Variants in LDB3 observed in about 807,000 individuals in gnomAD.
LDB3 encodes LIM domain binding 3.
LDB3 carries 49 observed loss-of-function variants against 69.0 expected under a neutral mutation model. The ratio of observed to expected loss-of-function variants is 0.71; its 90% CI spans 0.56 to 0.90. LDB3 has a LOEUF of 0.90. Among genes scored for constraint, LDB3 ranks in the 40% least tolerant of loss-of-function variants. The pLI, the probability that LDB3 is intolerant of heterozygous loss-of-function variation, is 0.00. For synonymous variants in LDB3, 387 were observed against 396.2 expected (o/e 0.98, Z 0.28); for missense variants, 928 against 974.1 (o/e 0.95, Z 0.63).
intron 7 of LDB3, among the ~76,000 whole-genome samples, chr10:86,701,296 A>T (rs1024406745): frequency 6.6e-6 from 1 of 152,180 alleles, no homozygotes; most frequent in African/African-American, 2.4e-5. Flanking sequence ...GTCCTGGGCA[A>T]TGGGTATCCT....
chr10:86,682,013 G>C (rs775111631), intron 5 of LDB3, among the ~76,000 whole-genome samples: 1 of 152,216 alleles, frequency 6.6e-6, no homozygotes, highest in African/African-American at 2.4e-5. Flanking sequence ...GTGACATGTC[G>C]GATTTTGCAG....
At chr10:86,724,406 CA>C (rs1172039506) in intron 12 of LDB3, among the ~76,000 whole-genome samples, 2 of 151,876 alleles carry the variant, frequency 1.3e-5, no homozygotes, top group Non-Finnish European at 2.9e-5. Flanking sequence ...AGATCGAGAC[CA>C]TCCTGGCCAA....
At position 86,699,866 on chromosome 10, in the gene LDB3, C is replaced by T. The variant is rs549156118; in HGVS notation, c.897-6665C>T. On this transcript the variant is annotated intron_variant, in intron 7 of 13. Coordinates refer to ENST00000361373, the MANE Select transcript of LDB3 (RefSeq NM_007078.3). This position sits in a 1 kb window ranked among gnomAD's most constrained non-coding sequence, Gnocchi z 4.9. ...CTGCCCTCTGGAGCTCAGGGCAGCC[C>T]GGAATAGGGCTCTTTGAAGAGGAAG... 98 of 1,015,502 alleles carry T rather than the reference C, an allele frequency of 9.7e-5. No homozygotes were observed. In the South Asian group the frequency reaches 1.9e-3, roughly 20 times the overall value. The allele number at this position is 1,015,502 out of a possible 1,614,324, so 62.9% of individuals were successfully genotyped here. A position where few individuals can be genotyped will look rare whatever the true frequency, so the allele number is the denominator to read the frequency against.
In LDB3 at chr10:86,714,378, C is replaced by T. The variant is rs931941892; in HGVS notation, c.1232-1949C>T. On this transcript the variant is annotated intron_variant, in intron 9 of 13. Coordinates refer to ENST00000361373, the MANE Select transcript of LDB3 (RefSeq NM_007078.3). ...GGACTCATATTCTTTACAGAGGCAGCTTGGGATGATAGAATGAATGGATTT... is the reference window on the plus strand; with the variant it reads ...GGACTCATATTCTTTACAGAGGCAGTTTGGGATGATAGAATGAATGGATTT... Among the ~76,000 whole-genome samples, 41 of 152,022 alleles carry T rather than the reference C, an allele frequency of 2.7e-4. 1 individual carries two copies. Among genetic ancestry groups the T allele is most frequent in the African/African-American group, 9.9e-4 (41 of 41,372 alleles).
chr10:86,686,006 C>T (rs1237959745), intron 5 of LDB3, among the ~76,000 whole-genome samples: 1 of 152,104 alleles, frequency 6.6e-6, no homozygotes, highest in South Asian at 2.1e-4. Flanking sequence ...GGGACACAGG[C>T]TGTGCTGCTG....
rs1844603559 is a variant in LDB3 at position 86,673,541 on chromosome 10, G to T, written c.93+4757G>T. ...TCCGGCTTATTTATCGGCCAGGGTG[G>T]AGTTGGGGAGTGGGACCATGGGGAG... On this transcript the variant is annotated intron_variant, in intron 2 of 13. Transcript: ENST00000361373. Among the ~76,000 whole-genome samples the T allele has an allele frequency of 3.3e-5, 5 of 152,124 alleles. No individual in the cohort carries two copies. In the South Asian group the frequency reaches 1.0e-3, roughly 32 times the overall value.
intron 7 of LDB3, among the ~76,000 whole-genome samples, chr10:86,702,067 C>T (rs1442602304): frequency 6.6e-6 from 1 of 152,194 alleles, no homozygotes; most frequent in Non-Finnish European, 1.5e-5. Context: ...GAGCCATAGT[C>T]ACCAGGCAGC....
intron 6 of LDB3, 123 bp from the exon 7 acceptor site, chr10:86,692,412 G>A: frequency 1.0e-6 from 1 of 995,938 alleles, no homozygotes. Flanking sequence ...CAGTGGACAG[G>A]CAAGGGGGCA....
At chr10:86,713,202 C>T (rs967882565) in intron 9 of LDB3, among the ~76,000 whole-genome samples, 1 of 152,156 alleles carries the variant, frequency 6.6e-6, no homozygotes, top group South Asian at 2.1e-4. Context: ...TCATCGGCCA[C>T]GTAGCACTAT....
chr10:86,713,392 C>T (rs544162423), intron 9 of LDB3, among the ~76,000 whole-genome samples: 4 of 152,112 alleles, frequency 2.6e-5, no homozygotes, highest in East Asian at 3.9e-4. Flanking sequence ...GTTTACAAGG[C>T]GCCCACCACC....
chr10:86,700,119 C>T, intron 7 of LDB3: 1 of 938,896 alleles, frequency 1.1e-6, no homozygotes, highest in African/African-American at 1.8e-5. Flanking sequence ...TGATCTGGGA[C>T]AGAGAGAGGA....
At chr10:86,690,821 G>T (rs1845722284) in intron 5 of LDB3, among the ~76,000 whole-genome samples, 2 of 152,250 alleles carry the variant, frequency 1.3e-5, no homozygotes, top group African/African-American at 4.8e-5. Context: ...CTAATGGAAA[G>T]GACACAGGGC....
chr10:86,719,260 C>T (rs1028371522), intron 12 of LDB3, among the ~76,000 whole-genome samples: 2 of 151,996 alleles, frequency 1.3e-5, no homozygotes, highest in East Asian at 1.9e-4. Context: ...GGTGTGGTGG[C>T]GCGTGCCTGT....
At chr10:86,719,550 T>G (rs1847001610) in intron 12 of LDB3, among the ~76,000 whole-genome samples, 1 of 152,210 alleles carries the variant, frequency 6.6e-6, no homozygotes, top group Admixed American at 6.5e-5. Flanking sequence ...TGGGCTGCTT[T>G]GTAAACCTGA....
intron 13 of LDB3, among the ~76,000 whole-genome samples, chr10:86,728,769 A>T (rs1847358867): frequency 6.6e-6 from 1 of 151,622 alleles, no homozygotes; most frequent in African/African-American, 2.4e-5. Flanking sequence ...TTTAGTAGAG[A>T]CGGGGTTTCA....
At chr10:86,677,548 T>C (rs1844865698) in intron 2 of LDB3, among the ~76,000 whole-genome samples, 1 of 152,164 alleles carries the variant, frequency 6.6e-6, no homozygotes, top group Admixed American at 6.5e-5. Context: ...CACGATGACA[T>C]CCCAAGTAAT....
intron 8 of LDB3, among the ~76,000 whole-genome samples, chr10:86,707,672 T>C (rs188501655): frequency 6.6e-6 from 1 of 152,312 alleles, no homozygotes; most frequent in East Asian, 1.9e-4. Context: ...GACATGCCTC[T>C]TGGATCAGGA....
In LDB3 at chr10:86,708,319, C is replaced by T. The variant is rs796349283; in HGVS notation, c.1086-1586C>T. Among the ~76,000 whole-genome samples, 27 of 152,342 alleles carry T rather than the reference C, an allele frequency of 1.8e-4. 2 individuals are homozygous for T. The highest frequency in any genetic ancestry group is 6.5e-4 in the African/African-American group (27 of 41,580). ...CACTCTGAGCAAAGCTACCTCCGCT[C>T]CTCACACATGGGCTGGGGTGGAGCG... On this transcript the variant is annotated intron_variant, in intron 8 of 13. Coordinates refer to ENST00000361373, the MANE Select transcript of LDB3 (RefSeq NM_007078.3).
chr10:86,728,190 A>G (rs1847327577), intron 13 of LDB3, among the ~76,000 whole-genome samples: 1 of 152,048 alleles, frequency 6.6e-6, no homozygotes, highest in African/African-American at 2.4e-5. Context: ...ACATCTGGTT[A>G]CCCAACTTCT....
Sources: gnomAD v4.1 joint callset for allele counts (sites outside exome capture counted in the v4.1 genomes callset) on GRCh38, gnomAD v4.1.1 for gene constraint, Gnocchi (gnomAD v3.1) non-coding constraint, MANE v1.5 for transcripts, NCBI Gene and HGNC (gene_info 2026-07-23, HGNC 2026-07-21) for gene names.